Variants in LCE1A observed in about 807,000 individuals in gnomAD.
LCE1A encodes the protein late cornified envelope protein 1A.
For missense variants in LCE1A, 138 were observed against 140.0 expected (o/e 0.99, Z 0.07); for synonymous variants, 59 against 53.8 (o/e 1.10, Z -0.43).
chr1:152,827,704 C>A lies in LCE1A; in HGVS notation c.232C>A (p.His78Asn). 1 of 1,612,248 alleles carries A rather than the reference C, an allele frequency of 6.2e-7. No homozygotes were observed. Among genetic ancestry groups the A allele is most frequent in the Non-Finnish European group, 8.5e-7 (1 of 1,179,858 alleles). ...GAGCCACCACAGGCGCCACAGGTCC[C>A]ACCGTCACAGACTCCAGAGCTCTGG... is the stretch of plus-strand genomic sequence containing the variant. Reference protein sequence around the residue: ...CLSHHRRHRSHRHRLQSSGCC... With the variant: ...CLSHHRRHRSNRHRLQSSGCC... Residue 78 changes from histidine to asparagine, a missense_variant, in exon 1 of 1, where the codon CAC becomes AAC. Transcript: ENST00000335123.
Position 152,827,606 on chromosome 1 carries a change from G to A in LCE1A, c.134G>A (p.Ser45Asn). ...PKCPPVSSCC[S>N]VSSGGCCGSS... ...TGCCCTCCAGTCTCTTCCTGCTGCA[G>A]TGTCAGCTCCGGAGGCTGCTGTGGC... Residue 45 changes from serine (S) to asparagine (N), a missense_variant, in exon 1 of 1, where the codon AGT (serine) becomes AAT (asparagine). Ser to Asn is a conservative substitution (Grantham distance 46). Transcript: ENST00000335123. 1.9e-6 allele frequency: 3 copies of A among 1,613,266 alleles called. No individual in the cohort carries two copies. The South Asian group carries it at 3.3e-5, about 18-fold the overall frequency.
chr1:152,827,736 C>T lies in LCE1A; in HGVS notation c.264C>T (p.Cys88=). ...HRHRLQSSGC[C]SQPSGGSSCC... is the part of the protein sequence containing the mutation. The stretch of plus-strand genomic sequence containing the variant: ...ACAGACTCCAGAGCTCTGGCTGCTG[C>T]AGCCAGCCCTCGGGAGGCTCCAGCT... Residue 88 remains cysteine (C), a synonymous_variant, in exon 1 of 1, where the codon TGC becomes TGT. Coordinates refer to ENST00000335123, the MANE Select transcript of LCE1A (RefSeq NM_178348.2). The T allele has an allele frequency of 1.9e-6, 3 of 1,613,588 alleles. No homozygotes were observed. Among genetic ancestry groups the T allele is most frequent in the Non-Finnish European group, 2.5e-6 (3 of 1,179,862 alleles).
In LCE1A at chr1:152,827,907, C is replaced by T. The variant is rs1647403022; in HGVS notation, c.*102C>T. On this transcript the variant is annotated 3_prime_UTR_variant, in exon 1 of 1. Transcript: ENST00000335123. The stretch of plus-strand genomic sequence containing the variant: ...GGGCCTGCAAGAGTGGCTGAGATGC[C>T]CGCGTGAAGGCTCTGAGCTCTGGCC... 1 of 1,312,950 alleles carries T rather than the reference C, an allele frequency of 7.6e-7. No individual in the cohort carries two copies. The highest frequency in any genetic ancestry group is 1.0e-6 in the Non-Finnish European group (1 of 972,128). 81.3% of individuals were successfully genotyped at this position (1,312,950 alleles called of 1,614,324 possible). A position where few individuals can be genotyped will look rare whatever the true frequency, so the allele number is the denominator to read the frequency against.
In LCE1A at chr1:152,827,732, G is replaced by A; in HGVS notation, c.260G>A (p.Cys87Tyr). ...SHRHRLQSSG[C>Y]CSQPSGGSSC... is the part of the protein sequence containing the mutation. ...CGTCACAGACTCCAGAGCTCTGGCTGCTGCAGCCAGCCCTCGGGAGGCTCC... is the reference window on the plus strand; with the variant it reads ...CGTCACAGACTCCAGAGCTCTGGCTACTGCAGCCAGCCCTCGGGAGGCTCC... Residue 87 changes from cysteine (C) to tyrosine (Y), a missense_variant, in exon 1 of 1, where the codon TGC (cysteine) becomes TAC (tyrosine). Cys to Tyr is a radical substitution (Grantham distance 194). Transcript: ENST00000335123. 3 of 1,613,568 alleles carry A rather than the reference G, an allele frequency of 1.9e-6. No individual in the cohort carries two copies. Among genetic ancestry groups the A allele is most frequent in the Non-Finnish European group, 2.5e-6 (3 of 1,179,850 alleles).
Position 152,827,640 on chromosome 1 carries a change from T to C in LCE1A, c.168T>C (p.Ser56=), listed in dbSNP as rs990058977. The C allele has an allele frequency of 6.2e-7, 1 of 1,613,744 alleles. No individual in the cohort carries two copies. The highest frequency in any genetic ancestry group is 1.3e-5 in the African/African-American group (1 of 74,818). ...CCGGAGGCTGCTGTGGCTCCAGCTCTGGGGGCGGCTGCAGCTCTGGGGGAG... is the reference window on the plus strand; with the variant it reads ...CCGGAGGCTGCTGTGGCTCCAGCTCCGGGGGCGGCTGCAGCTCTGGGGGAG... ...VSSGGCCGSS[S]GGGCSSGGGG... is the part of the protein sequence containing the mutation. The change falls in exon 1 of 1, where the codon TCT becomes TCC. Residue 56 remains serine (S), a synonymous_variant. Transcript: ENST00000335123.
Position 152,827,527 on chromosome 1 carries a change from A to G in LCE1A, c.55A>G (p.Lys19Glu), listed in dbSNP as rs1488164383. The G allele has an allele frequency of 6.6e-6, 9 of 1,368,572 alleles. No homozygotes were observed. Among genetic ancestry groups the G allele is most frequent in the Non-Finnish European group, 8.5e-6 (9 of 1,055,388 alleles). 84.8% of individuals were successfully genotyped at this position (1,368,572 alleles called of 1,614,324 possible). The change falls in exon 1 of 1, where the codon AAG becomes GAG. Residue 19 changes from lysine to glutamate, a missense_variant. Physicochemically the swap from Lys to Glu is moderately conservative, Grantham distance 56. Coordinates refer to ENST00000335123, the MANE Select transcript of LCE1A (RefSeq NM_178348.2). ...CCAGCCCCCTCCCAAGTGCACCCCC[A>G]AGTGCCCTCCCAAGTGCCCCACTCC... ...QCQPPPKCTP[K>E]CPPKCPTPKC...
Position 152,827,712 on chromosome 1 carries a change from C to T in LCE1A, c.240C>T (p.His80=). The stretch of plus-strand genomic sequence containing the variant: ...ACAGGCGCCACAGGTCCCACCGTCA[C>T]AGACTCCAGAGCTCTGGCTGCTGCA... ...SHHRRHRSHR[H]RLQSSGCCSQ... is the part of the protein sequence containing the mutation. The change falls in exon 1 of 1, where the codon CAC becomes CAT. Residue 80 remains histidine, a synonymous_variant. Transcript: ENST00000335123. 1.2e-6 allele frequency: 2 copies of T among 1,613,922 alleles called. No individual in the cohort carries two copies. The highest frequency in any genetic ancestry group is 1.7e-6 in the Non-Finnish European group (2 of 1,179,976).
rs761145822 is a variant in LCE1A, at chr1:152,827,728, G to A, written c.256G>A (p.Gly86Ser). 1 of 1,613,614 alleles carries A rather than the reference G, an allele frequency of 6.2e-7. No homozygotes were observed. Among genetic ancestry groups the A allele is most frequent in the East Asian group, 2.2e-5 (1 of 44,866 alleles). Residue 86 changes from glycine to serine, a missense_variant, in exon 1 of 1, where the codon GGC becomes AGC. Gly to Ser is a moderately conservative substitution (Grantham distance 56, BLOSUM62 0). Coordinates refer to ENST00000335123, the MANE Select transcript of LCE1A (RefSeq NM_178348.2). ...CCACCGTCACAGACTCCAGAGCTCTGGCTGCTGCAGCCAGCCCTCGGGAGG... is the reference window on the plus strand; with the variant it reads ...CCACCGTCACAGACTCCAGAGCTCTAGCTGCTGCAGCCAGCCCTCGGGAGG... ...RSHRHRLQSSGCCSQPSGGSS... is the reference protein window; with the variant it reads ...RSHRHRLQSSSCCSQPSGGSS...
Position 152,827,760 on chromosome 1 carries a change from C to A in LCE1A, c.288C>A (p.Ser96Arg). ...GCCSQPSGGS[S>R]CCGGDSGQHS... ...GCAGCCAGCCCTCGGGAGGCTCCAG[C>A]TGCTGTGGAGGGGACAGCGGCCAGC... The change falls in exon 1 of 1, where the codon AGC (serine) becomes AGA (arginine). Residue 96 changes from serine (S) to arginine (R), a missense_variant. Coordinates refer to ENST00000335123, the MANE Select transcript of LCE1A (RefSeq NM_178348.2). The A allele has an allele frequency of 6.2e-7, 1 of 1,612,788 alleles. No homozygotes were observed. The highest frequency in any genetic ancestry group is 8.5e-7 in the Non-Finnish European group (1 of 1,179,354).
Position 152,827,948 on chromosome 1 carries a change from C to A in LCE1A, c.*143C>A. On this transcript the variant is annotated 3_prime_UTR_variant, in exon 1 of 1. Coordinates refer to ENST00000335123, the MANE Select transcript of LCE1A (RefSeq NM_178348.2). ...AGCTCTGGCCTAGAGGATCCCTCTG[C>A]CCTGGGATCCAGAAACTTGATTCTT... The A allele has an allele frequency of 1.0e-6, 1 of 953,066 alleles. No individual in the cohort carries two copies. 59.0% of individuals were successfully genotyped at this position (953,066 alleles called of 1,614,324 possible).
Position 152,827,861 on chromosome 1 carries a change from C to G in LCE1A, c.*56C>G. 6.7e-7 allele frequency: 1 copy of G among 1,496,444 alleles called. No homozygotes were observed. The highest frequency in any genetic ancestry group is 8.9e-7 in the Non-Finnish European group (1 of 1,121,220). 92.7% of individuals were successfully genotyped at this position (1,496,444 alleles called of 1,614,324 possible). On this transcript the variant is annotated 3_prime_UTR_variant, in exon 1 of 1. Coordinates refer to ENST00000335123, the MANE Select transcript of LCE1A (RefSeq NM_178348.2). ...GGGTGAAATGAGTGATCAAACATTTCCTCCTCACCTGTCTCCTCCTGGGCC... is the reference window on the plus strand; with the variant it reads ...GGGTGAAATGAGTGATCAAACATTTGCTCCTCACCTGTCTCCTCCTGGGCC...
Position 152,827,856 on chromosome 1 carries a change from C to T in LCE1A, c.*51C>T, listed in dbSNP as rs1208248561. 1 of 1,510,588 alleles carries T rather than the reference C, an allele frequency of 6.6e-7. No individual in the cohort carries two copies. The highest frequency in any genetic ancestry group is 8.9e-7 in the Non-Finnish European group (1 of 1,129,738). 93.6% of individuals were successfully genotyped at this position (1,510,588 alleles called of 1,614,324 possible). On this transcript the variant is annotated 3_prime_UTR_variant, in exon 1 of 1. Transcript: ENST00000335123. The stretch of plus-strand genomic sequence containing the variant: ...GACTCGGGTGAAATGAGTGATCAAA[C>T]ATTTCCTCCTCACCTGTCTCCTCCT...
At position 152,827,769 on chromosome 1, in the gene LCE1A, AG is replaced by A; in HGVS notation, c.301del (p.Asp101ThrfsTer47). The A allele has an allele frequency of 2.5e-6, 4 of 1,611,728 alleles. No individual in the cohort carries two copies. The highest frequency in any genetic ancestry group is 2.5e-6 in the Non-Finnish European group (3 of 1,178,654). On this transcript the variant is annotated frameshift_variant, in exon 1 of 1. Coordinates refer to ENST00000335123, the MANE Select transcript of LCE1A (RefSeq NM_178348.2). LOFTEE classifies it high-confidence loss of function. Reference sequence around the variant, plus strand: ...CCTCGGGAGGCTCCAGCTGCTGTGGAGGGGACAGCGGCCAGCACTCTGGAGG... The same window carrying A: ...CCTCGGGAGGCTCCAGCTGCTGTGGAGGGACAGCGGCCAGCACTCTGGAGG... ...QPSGGSSCCG[G>X]DSGQHSGGCC is the part of the protein sequence containing the mutation.
Position 152,827,997 on chromosome 1 carries a change from C to A in LCE1A, c.*192C>A. 1.5e-6 allele frequency: 1 copy of A among 653,142 alleles called. No individual in the cohort carries two copies. The highest frequency in any genetic ancestry group is 2.6e-6 in the Non-Finnish European group (1 of 382,180). The allele number at this position is 653,142 out of a possible 1,614,324, so 40.5% of individuals were successfully genotyped here. On this transcript the variant is annotated 3_prime_UTR_variant, in exon 1 of 1. Coordinates refer to ENST00000335123, the MANE Select transcript of LCE1A (RefSeq NM_178348.2). ...TTCTCCCACAAACCTATCTGCTGCC[C>A]CTGACACCAACTGTGTTGTCTACTC...
chr1:152,827,967 G>A lies in LCE1A; in HGVS notation c.*162G>A. ...CCTCTGCCCTGGGATCCAGAAACTT[G>A]ATTCTTCTCCCACAAACCTATCTGC... On this transcript the variant is annotated 3_prime_UTR_variant, in exon 1 of 1. Transcript: ENST00000335123. 2.4e-6 allele frequency: 2 copies of A among 829,598 alleles called. No homozygotes were observed. The highest frequency in any genetic ancestry group is 3.7e-6 in the Non-Finnish European group (2 of 540,778). 51.4% of individuals were successfully genotyped at this position (829,598 alleles called of 1,614,324 possible). A position where few individuals can be genotyped will look rare whatever the true frequency, so the allele number is the denominator to read the frequency against.
In LCE1A at chr1:152,827,872, G is replaced by C. The variant is rs75174223; in HGVS notation, c.*67G>C. 7.8e-3 allele frequency: 11,426 copies of C among 1,470,544 alleles called. 68 individuals carry two copies. Among genetic ancestry groups the C allele is most frequent in the Non-Finnish European group, 9.2e-3 (10,183 of 1,104,234 alleles). 91.1% of individuals were successfully genotyped at this position (1,470,544 alleles called of 1,614,324 possible). The stretch of plus-strand genomic sequence containing the variant: ...GTGATCAAACATTTCCTCCTCACCT[G>C]TCTCCTCCTGGGCCTGCAAGAGTGG... On this transcript the variant is annotated 3_prime_UTR_variant, in exon 1 of 1. Transcript: ENST00000335123.
At position 152,827,979 on chromosome 1, in the gene LCE1A, A is replaced by G; in HGVS notation, c.*174A>G. The G allele has an allele frequency of 2.6e-6, 2 of 758,668 alleles. No homozygotes were observed. Among genetic ancestry groups the G allele is most frequent in the Non-Finnish European group, 4.2e-6 (2 of 475,018 alleles). The allele number at this position is 758,668 out of a possible 1,614,324, so 47.0% of individuals were successfully genotyped here. A position where few individuals can be genotyped will look rare whatever the true frequency, so the allele number is the denominator to read the frequency against. On this transcript the variant is annotated 3_prime_UTR_variant, in exon 1 of 1. Transcript: ENST00000335123. ...GATCCAGAAACTTGATTCTTCTCCC[A>G]CAAACCTATCTGCTGCCCCTGACAC...
Position 152,827,881 on chromosome 1 carries a change from T to C in LCE1A, c.*76T>C. 2 of 1,453,832 alleles carry C rather than the reference T, an allele frequency of 1.4e-6. No individual in the cohort carries two copies. The highest frequency in any genetic ancestry group is 1.8e-6 in the Non-Finnish European group (2 of 1,093,530). 90.1% of individuals were successfully genotyped at this position (1,453,832 alleles called of 1,614,324 possible). On this transcript the variant is annotated 3_prime_UTR_variant, in exon 1 of 1. Coordinates refer to ENST00000335123, the MANE Select transcript of LCE1A (RefSeq NM_178348.2). ...CATTTCCTCCTCACCTGTCTCCTCCTGGGCCTGCAAGAGTGGCTGAGATGC... is the reference window on the plus strand; with the variant it reads ...CATTTCCTCCTCACCTGTCTCCTCCCGGGCCTGCAAGAGTGGCTGAGATGC...
Position 152,827,762 on chromosome 1 carries a change from G to A in LCE1A, c.290G>A (p.Cys97Tyr), listed in dbSNP as rs1647397773. 12 of 1,612,612 alleles carry A rather than the reference G, an allele frequency of 7.4e-6. No individual in the cohort carries two copies. Among genetic ancestry groups the A allele is most frequent in the Non-Finnish European group, 1.0e-5 (12 of 1,179,204 alleles). Reference protein sequence around the residue: ...CCSQPSGGSSCCGGDSGQHSG... With the variant: ...CCSQPSGGSSYCGGDSGQHSG... The stretch of plus-strand genomic sequence containing the variant: ...AGCCAGCCCTCGGGAGGCTCCAGCT[G>A]CTGTGGAGGGGACAGCGGCCAGCAC... Residue 97 changes from cysteine to tyrosine, a missense_variant, in exon 1 of 1, where the codon TGC (cysteine) becomes TAC (tyrosine). Transcript: ENST00000335123.
Sources: gnomAD v4.1 joint callset for allele counts on GRCh38, gnomAD v4.1.1 for gene constraint, MANE v1.5 for transcripts, NCBI Gene and HGNC (gene_info 2026-07-23, HGNC 2026-07-21) for gene names.